The following SOCS2 variants were observed in gnomAD, a reference collection of about 807,000 sequenced individuals.
SOCS2 encodes CIS-2.
A neutral mutation model predicts 18.6 loss-of-function variants in SOCS2; 10 were observed. The ratio of observed to expected loss-of-function variants is 0.54; its 90% CI spans 0.33 to 0.91. The LOEUF is 0.91. SOCS2 is among the 40% of genes least tolerant of loss of function. SOCS2 has a pLI of 0.02. For missense variants in SOCS2, 231 were observed against 247.2 expected (o/e 0.93, Z 0.44); for synonymous variants, 104 against 104.0 (o/e 1.00, Z 0.00).
chr12:93,592,443 T>C, the SOCS2 span, among the ~76,000 whole-genome samples: 8 of 152,240 alleles, frequency 5.3e-5, no homozygotes, highest in Non-Finnish European at 8.8e-5. Flanking sequence ...AACGGTGCGG[T>C]ACAAATCTGT....
At chr12:93,588,920 C>A in the SOCS2 span, among the ~76,000 whole-genome samples, 4 of 152,168 alleles carry the variant, frequency 2.6e-5, no homozygotes, top group East Asian at 1.9e-4. Context: ...CCGCGCCTGG[C>A]CTGACAGAGT....
the SOCS2 span, among the ~76,000 whole-genome samples, chr12:93,610,126 C>T: frequency 1.3e-5 from 2 of 152,190 alleles, no homozygotes; most frequent in South Asian, 2.1e-4. Context: ...TCAGGGAATA[C>T]GTTCAAACTA....
At chr12:93,622,431 ACAT>A in the SOCS2 span, among the ~76,000 whole-genome samples, 1 of 152,148 alleles carries the variant, frequency 6.6e-6, no homozygotes, top group Non-Finnish European at 1.5e-5. Flanking sequence ...GTCCTCTCTG[ACAT>A]CATTGGCATG....
At chr12:93,615,198 G>A in the SOCS2 span, among the ~76,000 whole-genome samples, 5 of 152,154 alleles carry the variant, frequency 3.3e-5, no homozygotes, top group African/African-American at 1.2e-4. Flanking sequence ...TGATCTACTT[G>A]TCTGCACCCA....
chr12:93,624,543 C>T, the SOCS2 span, among the ~76,000 whole-genome samples: 4 of 150,896 alleles, frequency 2.7e-5, no homozygotes, highest in Admixed American at 1.3e-4. Flanking sequence ...CTGCACTCAG[C>T]CTGGCAACAG....
chr12:93,583,072 A>C (rs7313659), exon 2 of SOCS2: 1 of 123,444 alleles, frequency 8.1e-6, no homozygotes, highest in Admixed American at 9.2e-5. Flanking sequence ...TCTTTTAGCT[A>C]TGGATCTTTG....
chr12:93,599,520 T>C, the SOCS2 span, among the ~76,000 whole-genome samples: 413 of 152,270 alleles, frequency 2.7e-3, 1 homozygote, highest in East Asian at 0.011. Flanking sequence ...CAATCCTTCG[T>C]TGGATTTTAA....
chr12:93,582,572 C>T (rs1363813484), intron 1 of SOCS2, among the ~76,000 whole-genome samples: 2 of 152,124 alleles, frequency 1.3e-5, no homozygotes, highest in Non-Finnish European at 2.9e-5. Flanking sequence ...CTGGAGTATG[C>T]GGCTTTGAGT....
At chr12:93,617,216 C>T in the SOCS2 span, among the ~76,000 whole-genome samples, 1 of 152,172 alleles carries the variant, frequency 6.6e-6, no homozygotes. Flanking sequence ...GGGCCTGTTC[C>T]TGGTGGGAAT....
At chr12:93,613,943 A>G in the SOCS2 span, among the ~76,000 whole-genome samples, 1 of 152,192 alleles carries the variant, frequency 6.6e-6, no homozygotes, top group South Asian at 2.1e-4. Flanking sequence ...AATAGAACAC[A>G]CTTCAAAGCC....
At chr12:93,578,171 G>T (rs1196117932), downstream of SOCS2, among the ~76,000 whole-genome samples, 1 of 152,208 alleles carries the variant, frequency 6.6e-6, no homozygotes, top group Admixed American at 6.5e-5. Flanking sequence ...TTCAGCTTAT[G>T]AGATGAGAGG....
the SOCS2 span, among the ~76,000 whole-genome samples, chr12:93,597,790 C>G: frequency 1.3e-5 from 2 of 152,180 alleles, no homozygotes; most frequent in Non-Finnish European, 2.9e-5. Context: ...CTTTGTCCTA[C>G]TTTTTGACCC....
At chr12:93,572,663 A>T (rs890898499), upstream of SOCS2, 1 of 710,100 alleles carries the variant, frequency 1.4e-6, no homozygotes, top group African/African-American at 1.7e-5. The surrounding 1 kb of genome is among the most constrained non-coding windows in gnomAD (Gnocchi z 5.0). Flanking sequence ...GACTGACCCA[A>T]CCTCCCGCTT....
chr12:93,614,427 TTCC>T, the SOCS2 span, among the ~76,000 whole-genome samples: 1 of 78,354 alleles, frequency 1.3e-5, no homozygotes, highest in African/African-American at 6.4e-5. Context: ...CTTCCTTTCT[TTCC>T]CTTCCTTCCT....
the SOCS2 span, among the ~76,000 whole-genome samples, chr12:93,589,545 T>G: frequency 2.6e-5 from 4 of 152,160 alleles, no homozygotes; most frequent in Non-Finnish European, 5.9e-5. Context: ...CCCATTCCCT[T>G]TTTTTGTTTG....
At chr12:93,586,144 G>A (rs1385909573), downstream of SOCS2, among the ~76,000 whole-genome samples, 1 of 152,110 alleles carries the variant, frequency 6.6e-6, no homozygotes, top group African/African-American at 2.4e-5. Context: ...TAAAGAGTTA[G>A]GGCTACTAAC....
the SOCS2 span, among the ~76,000 whole-genome samples, chr12:93,623,763 A>G: frequency 6.6e-6 from 1 of 152,086 alleles, no homozygotes; most frequent in South Asian, 2.1e-4. Context: ...CAGGAGTGCA[A>G]TCGCGATCTC....
the SOCS2 span, among the ~76,000 whole-genome samples, chr12:93,594,612 C>T: frequency 9.2e-5 from 14 of 151,880 alleles, no homozygotes; most frequent in African/African-American, 3.4e-4. Context: ...CACTTTGTTT[C>T]TTTAGATATA....
chr12:93,577,165 GT>G (rs1954478545), downstream of SOCS2, among the ~76,000 whole-genome samples: 1 of 152,196 alleles, frequency 6.6e-6, no homozygotes. Flanking sequence ...ATGAGTACCT[GT>G]GAAATTGGAA....
Sources: allele counts gnomAD v4.1 joint callset (sites outside exome capture counted in the v4.1 genomes callset), GRCh38; gene constraint gnomAD v4.1.1; non-coding constraint Gnocchi (gnomAD v3.1); transcripts MANE v1.5; gene names NCBI Gene and HGNC (gene_info 2026-07-23, HGNC 2026-07-21).